ADGB: variants seen among roughly 807,000 people sequenced by gnomAD.
ADGB encodes androglobin.
In ADGB, 172 loss-of-function variants were observed where a neutral mutation model predicts 210.5. That is an observed-to-expected ratio of 0.82 (90% CI 0.72 to 0.93). The LOEUF (loss-of-function observed/expected upper bound fraction) is 0.93, where lower values mean the gene tolerates loss of function less well. ADGB is among the 40% of genes least tolerant of loss of function. ADGB has a pLI of 0.00. For missense variants in ADGB, 2,025 were observed against 1,964.8 expected, an observed-to-expected ratio of 1.03 and a Z score of -0.58; for synonymous variants, 658 against 662.7, an observed-to-expected ratio of 0.99 and a Z score of 0.11.
chr6:146,722,245 A>G (rs2114572932), intron 17 of ADGB, among the ~76,000 whole-genome samples: 1 of 151,866 alleles, frequency 6.6e-6, no homozygotes, highest in East Asian at 1.9e-4. Context: ...AGTCATCTCA[A>G]TTTCAAGCAC....
chr6:146,691,459 A>AATAT (rs1776319367), intron 11 of ADGB, among the ~76,000 whole-genome samples, 169 bp downstream of exon 11: 1 of 44,746 alleles, frequency 2.2e-5, no homozygotes, highest in Non-Finnish European at 3.2e-5. Flanking sequence ...TATATATATA[A>AATAT]AAATATATAT....
chr6:146,803,745 C>G (rs760329401), intron 35 of ADGB: 2 of 784,488 alleles, frequency 2.5e-6, no homozygotes, highest in Non-Finnish European at 4.1e-6. Flanking sequence ...GGTACCGCGG[C>G]GCCTCAGCCC....
intron 1 of ADGB, among the ~76,000 whole-genome samples, chr6:146,614,940 G>A (rs367776288): frequency 1.7e-4 from 26 of 152,194 alleles, no homozygotes; most frequent in East Asian, 9.7e-4. Flanking sequence ...TCGCTCTGTC[G>A]CCCAGGCTGG....
intron 3 of ADGB, among the ~76,000 whole-genome samples, chr6:146,648,045 A>G (rs1485503317): frequency 2.0e-5 from 3 of 152,038 alleles, no homozygotes; most frequent in East Asian, 3.9e-4. Context: ...TATATGACAC[A>G]TTTGGACTTT....
intron 1 of ADGB, among the ~76,000 whole-genome samples, chr6:146,601,804 TC>T (rs1583554460): frequency 1.3e-5 from 2 of 152,222 alleles, no homozygotes; most frequent in East Asian, 3.8e-4. Flanking sequence ...GGAATAAGTG[TC>T]ATGTTTGGCT....
At chr6:146,723,495 G>T (rs1418624680) in intron 17 of ADGB, among the ~76,000 whole-genome samples, 1 of 152,128 alleles carries the variant, frequency 6.6e-6, no homozygotes. Flanking sequence ...CAGCACTTTG[G>T]GAGGTTGAGG....
At chr6:146,687,308 C>T (rs1031451283) in intron 10 of ADGB, among the ~76,000 whole-genome samples, 1 of 152,122 alleles carries the variant, frequency 6.6e-6, no homozygotes, top group Non-Finnish European at 1.5e-5. Flanking sequence ...TTCTTTTAAC[C>T]TCTTTGCATG....
chr6:146,770,802 A>G (rs1293907642), intron 29 of ADGB, among the ~76,000 whole-genome samples: 1 of 152,158 alleles, frequency 6.6e-6, no homozygotes, highest in Admixed American at 6.5e-5. Context: ...ATAACTCCAG[A>G]GCAGACAATG....
At chr6:146,759,258 C>G (rs1447973671) in intron 27 of ADGB, among the ~76,000 whole-genome samples, 1 of 151,700 alleles carries the variant, frequency 6.6e-6, no homozygotes, top group East Asian at 1.9e-4. Flanking sequence ...GAGCCAGTCA[C>G]AGATCTTATA....
At chr6:146,810,182 G>A (rs2114675296) in intron 35 of ADGB, among the ~76,000 whole-genome samples, 1 of 152,250 alleles carries the variant, frequency 6.6e-6, no homozygotes, top group East Asian at 1.9e-4. Flanking sequence ...GACGACACAG[G>A]AATGACCAAC....
At chr6:146,813,097 G>C (rs149427244) in intron 35 of ADGB, among the ~76,000 whole-genome samples, 1 of 152,294 alleles carries the variant, frequency 6.6e-6, no homozygotes, top group African/African-American at 2.4e-5. Flanking sequence ...CTTTATGACA[G>C]ATTGAGTTTT....
rs905305567 is a variant in ADGB at position 146,664,333 on chromosome 6, A to G, written c.745A>G (p.Asn249Asp). 1.7e-5 allele frequency: 26 copies of G among 1,548,512 alleles called. No homozygotes were observed. Among genetic ancestry groups the G allele is most frequent in the Middle Eastern group, 1.7e-4 (1 of 5,946 alleles). Residue 249 changes from asparagine (N) to aspartate (D), a missense_variant, in exon 6 of 36, where the codon AAT becomes GAT. Asn to Asp is a conservative substitution (Grantham distance 23). Coordinates refer to ENST00000397944, the MANE Select transcript of ADGB (RefSeq NM_024694.4). Reference sequence around the variant, plus strand: ...GTCTAAAGCTATTATCAAGCTGGCAAATATTGAGTATGTAATGACACTATC... The same window carrying G: ...GTCTAAAGCTATTATCAAGCTGGCAGATATTGAGTATGTAATGACACTATC... Reference protein sequence around the residue: ...LLSKAIIKLANIDIHVADRRE... With the variant: ...LLSKAIIKLADIDIHVADRRE...
chr6:146,769,286 T>C (rs1583630578), intron 29 of ADGB, among the ~76,000 whole-genome samples, 155 bp downstream of exon 29: 1 of 152,174 alleles, frequency 6.6e-6, no homozygotes, highest in Non-Finnish European at 1.5e-5. Flanking sequence ...CATTTCCTGT[T>C]GTGTTAATTG....
intron 1 of ADGB, among the ~76,000 whole-genome samples, chr6:146,634,296 C>A (rs935613784): frequency 4.6e-5 from 7 of 152,056 alleles, no homozygotes; most frequent in African/African-American, 1.2e-4. Context: ...AACAAACTTG[C>A]CTAGCAACGG....
chr6:146,691,039 T>C, intron 10 of ADGB, 77 bp from the exon 11 acceptor site: 1 of 1,299,804 alleles, frequency 7.7e-7, no homozygotes, highest in Non-Finnish European at 1.0e-6. Flanking sequence ...GCTCTGTTCG[T>C]GATAGTATTT....
chr6:146,786,169 A>ATATTATATATATTTAAGTATATATTATAT (rs5880686), intron 32 of ADGB, among the ~76,000 whole-genome samples: 2 of 146,880 alleles, frequency 1.4e-5, no homozygotes, highest in African/African-American at 4.9e-5. Context: ...AAGTTAGTAT[A>ATATTATATATATTTAAGTATATATTATAT]TATATATATT....
At position 146,782,051 on chromosome 6, in the gene ADGB, C is replaced by T; in HGVS notation, c.3894C>T (p.Asn1298=). ...AYGERHEELI[N]LGSPDSHTIS... ...GTGAAAGACACGAGGAGTTAATTAA[C>T]TTAGGAAGCCCAGACTCCCACACTA... Residue 1298 remains asparagine, a synonymous_variant, in exon 30 of 36, where the codon AAC becomes AAT. Transcript: ENST00000397944. The T allele has an allele frequency of 6.6e-7, 1 of 1,512,394 alleles. No individual in the cohort carries two copies. The highest frequency in any genetic ancestry group is 2.5e-5 in the East Asian group (1 of 40,122). The allele number at this position is 1,512,394 out of a possible 1,614,324, so 93.7% of individuals were successfully genotyped here.
intron 3 of ADGB, among the ~76,000 whole-genome samples, chr6:146,645,091 G>C (rs1240183317): frequency 6.6e-6 from 1 of 151,862 alleles, no homozygotes; most frequent in Non-Finnish European, 1.5e-5. Context: ...TTAGAACCTT[G>C]ATTTTTCTTC....
At chr6:146,802,741 A>G in intron 35 of ADGB, 2 of 1,507,856 alleles carry the variant, frequency 1.3e-6, no homozygotes, top group Non-Finnish European at 1.8e-6. Flanking sequence ...TTTGTAAATT[A>G]CACAGTTCAG....
Sources: gnomAD v4.1 joint callset for allele counts (sites outside exome capture counted in the v4.1 genomes callset) on GRCh38, gnomAD v4.1.1 for gene constraint, MANE v1.5 for transcripts, NCBI Gene and HGNC (gene_info 2026-07-23, HGNC 2026-07-21) for gene names.